The following HS3ST4 variants were observed in gnomAD, a reference collection of about 807,000 sequenced individuals.
HS3ST4 encodes the protein heparan sulfate-glucosamine 3-sulfotransferase 4.
Under a neutral mutation model 29.2 loss-of-function variants are expected in HS3ST4, and 17 were observed. The ratio of observed to expected loss-of-function variants is 0.58; its 90% CI spans 0.40 to 0.87. The LOEUF (loss-of-function observed/expected upper bound fraction) is 0.87, where lower values mean the gene tolerates loss of function less well. Ranked by LOEUF, HS3ST4 falls within the 40% of genes least tolerant of loss-of-function variation. The pLI is 0.00. For synonymous variants in HS3ST4, 314 were observed against 285.7 expected, an observed-to-expected ratio of 1.10 and a Z score of -1.00; for missense variants, 627 against 634.5, an observed-to-expected ratio of 0.99 and a Z score of 0.13.
chr16:25,821,699 G>T (rs1223714295), intron 1 of HS3ST4, among the ~76,000 whole-genome samples: 4 of 152,122 alleles, frequency 2.6e-5, no homozygotes, highest in African/African-American at 9.7e-5. Flanking sequence ...GGACGAGGAG[G>T]GTGGATTGCC....
intron 1 of HS3ST4, among the ~76,000 whole-genome samples, chr16:25,823,889 C>A (rs867371858): frequency 6.6e-6 from 1 of 152,144 alleles, no homozygotes; most frequent in African/African-American, 2.4e-5. Flanking sequence ...TTTATATATT[C>A]TCTTATTTTT....
At chr16:25,705,876 CTG>C (rs1407922278) in intron 1 of HS3ST4, among the ~76,000 whole-genome samples, 1 of 152,084 alleles carries the variant, frequency 6.6e-6, no homozygotes, top group Non-Finnish European at 1.5e-5. Context: ...AGAATAGTGA[CTG>C]TGTGTTGGGA....
chr16:25,809,575 A>G (rs1021009259), intron 1 of HS3ST4, among the ~76,000 whole-genome samples: 4 of 152,180 alleles, frequency 2.6e-5, no homozygotes, highest in East Asian at 1.9e-4. Flanking sequence ...ACTGTGTCCA[A>G]TTGATGTATA....
intron 1 of HS3ST4, among the ~76,000 whole-genome samples, chr16:25,780,694 G>A (rs948288917): frequency 6.6e-6 from 1 of 152,142 alleles, no homozygotes; most frequent in Non-Finnish European, 1.5e-5. Flanking sequence ...AAATTGGGGC[G>A]TTGCATGTAA....
At chr16:26,015,043 A>G (rs1596645113) in intron 1 of HS3ST4, among the ~76,000 whole-genome samples, 1 of 152,222 alleles carries the variant, frequency 6.6e-6, no homozygotes, top group East Asian at 1.9e-4. Context: ...TGAAATTGAT[A>G]GTAAAAATGG....
rs577509539 is a variant in HS3ST4, at chr16:25,725,350, A to T, written c.734+32199A>T. Among the ~76,000 whole-genome samples the T allele has an allele frequency of 7.2e-5, 11 of 152,258 alleles. No individual in the cohort carries two copies. In the South Asian group the frequency reaches 2.3e-3, roughly 32 times the overall value. ...CCGAAAAATAGCCTTTCTTCCCCTT[A>T]GCCCCCGGTTTTTAACGTAAACATT... On this transcript the variant is annotated intron_variant, in intron 1 of 1. Transcript: ENST00000331351.
chr16:25,984,536 T>C (rs1327500099), intron 1 of HS3ST4, among the ~76,000 whole-genome samples: 2 of 152,220 alleles, frequency 1.3e-5, no homozygotes, highest in Non-Finnish European at 2.9e-5. Context: ...TTGGCACCCC[T>C]GCTTTAAGAA....
At chr16:26,062,793 A>G (rs1249462011) in intron 1 of HS3ST4, 2 of 249,446 alleles carry the variant, frequency 8.0e-6, no homozygotes, top group Non-Finnish European at 8.2e-6. Context: ...CTAAATAAGA[A>G]ATAATTCCTG....
chr16:25,817,214 A>T (rs1166686031), intron 1 of HS3ST4, among the ~76,000 whole-genome samples: 1 of 152,184 alleles, frequency 6.6e-6, no homozygotes, highest in Non-Finnish European at 1.5e-5. Context: ...GGGGCTGTTG[A>T]TAGAGTAAAA....
intron 1 of HS3ST4, among the ~76,000 whole-genome samples, chr16:26,103,433 A>C (rs529773696): frequency 5.3e-5 from 8 of 152,264 alleles, no homozygotes; most frequent in African/African-American, 1.9e-4. Context: ...TGGAGCTCAC[A>C]AAGTAGCCAA....
intron 1 of HS3ST4, among the ~76,000 whole-genome samples, chr16:25,748,872 A>AG (rs1254187105): frequency 2.6e-5 from 4 of 152,372 alleles, no homozygotes; most frequent in South Asian, 4.1e-4. Context: ...ACAGGATTAA[A>AG]GGGGCATTTC....
At chr16:25,696,694 G>T (rs1281947525) in intron 1 of HS3ST4, among the ~76,000 whole-genome samples, 1 of 152,132 alleles carries the variant, frequency 6.6e-6, no homozygotes, top group East Asian at 1.9e-4. Flanking sequence ...CATTCCATTG[G>T]CTAGGGGAAA....
chr16:25,843,710 G>T (rs1967438058), intron 1 of HS3ST4, among the ~76,000 whole-genome samples: 1 of 152,214 alleles, frequency 6.6e-6, no homozygotes, highest in Admixed American at 6.5e-5. Flanking sequence ...TTTAACAACT[G>T]TAATCAGCTC....
intron 1 of HS3ST4, among the ~76,000 whole-genome samples, chr16:25,838,321 C>A (rs1159275152): frequency 1.8e-4 from 27 of 152,276 alleles, no homozygotes; most frequent in African/African-American, 6.0e-4. Flanking sequence ...TTATCTGACC[C>A]GATTCATTCT....
intron 1 of HS3ST4, among the ~76,000 whole-genome samples, chr16:26,123,562 G>A (rs148672643): frequency 6.6e-6 from 1 of 152,262 alleles, no homozygotes; most frequent in Non-Finnish European, 1.5e-5. Flanking sequence ...AGTTTTTGGG[G>A]TACATGAATA....
chr16:25,975,299 G>A (rs931886118), intron 1 of HS3ST4, among the ~76,000 whole-genome samples: 2 of 151,844 alleles, frequency 1.3e-5, no homozygotes, highest in African/African-American at 4.8e-5. Context: ...AGAGGGGGAA[G>A]GGAGGGAGGG....
intron 1 of HS3ST4, among the ~76,000 whole-genome samples, chr16:25,763,309 A>G (rs1016447012): frequency 2.6e-5 from 4 of 152,142 alleles, no homozygotes; most frequent in Non-Finnish European, 4.4e-5. Flanking sequence ...CATCTCCAGG[A>G]TGGAAAACAG....
At chr16:25,775,211 G>T (rs907520932) in intron 1 of HS3ST4, among the ~76,000 whole-genome samples, 3 of 152,158 alleles carry the variant, frequency 2.0e-5, no homozygotes, top group Non-Finnish European at 4.4e-5. Context: ...AGGGCCTCTG[G>T]CTTACAGGAC....
chr16:26,099,331 A>AT (rs1478565208), intron 1 of HS3ST4, among the ~76,000 whole-genome samples: 19 of 152,122 alleles, frequency 1.2e-4, no homozygotes, highest in Non-Finnish European at 1.9e-4. Context: ...ATTTTCAAAA[A>AT]TTTTTGTGGA....
Sources: gnomAD v4.1 joint callset for allele counts (sites outside exome capture counted in the v4.1 genomes callset) on GRCh38, gnomAD v4.1.1 for gene constraint, MANE v1.5 for transcripts, NCBI Gene and HGNC (gene_info 2026-07-23, HGNC 2026-07-21) for gene names.